Variants in SPOCK3 observed in about 807,000 individuals in gnomAD.
SPOCK3 encodes the protein SPARC (osteonectin), cwcv and kazal like domains proteoglycan 3.
Under a neutral mutation model 56.6 loss-of-function variants are expected in SPOCK3, and 30 were observed. The observed-to-expected ratio is 0.53, with a 90% confidence interval of 0.40 to 0.72. The LOEUF (loss-of-function observed/expected upper bound fraction) is 0.72, where lower values mean the gene tolerates loss of function less well. SPOCK3 is among the 30% of genes least tolerant of loss of function. The pLI is 0.00. For synonymous variants in SPOCK3, 196 were observed against 183.3 expected (o/e 1.07, Z -0.56); for missense variants, 527 against 530.0 (o/e 0.99, Z 0.06).
At chr4:166,978,977 G>A (rs1033372962) in intron 4 of SPOCK3, among the ~76,000 whole-genome samples, 7 of 152,084 alleles carry the variant, frequency 4.6e-5, no homozygotes, top group African/African-American at 7.2e-5. Context: ...ATTTTGAATC[G>A]TGAAGTATGT....
intron 2 of SPOCK3, among the ~76,000 whole-genome samples, chr4:167,078,665 T>A (rs1316196741): frequency 6.6e-6 from 1 of 151,790 alleles, no homozygotes; most frequent in Non-Finnish European, 1.5e-5. Context: ...AATCACCCTA[T>A]GATGCAGGTA....
At chr4:166,914,553 C>A (rs1292950068) in intron 4 of SPOCK3, among the ~76,000 whole-genome samples, 1 of 152,094 alleles carries the variant, frequency 6.6e-6, no homozygotes, top group African/African-American at 2.4e-5. Flanking sequence ...GGCGGATCAC[C>A]TGAGGTTGGG....
At chr4:166,735,897 G>A (rs1734169707) in intron 10 of SPOCK3, among the ~76,000 whole-genome samples, 1 of 151,554 alleles carries the variant, frequency 6.6e-6, no homozygotes, top group Non-Finnish European at 1.5e-5. Flanking sequence ...TGTTACTAAA[G>A]CAACAGAAAA....
intron 8 of SPOCK3, among the ~76,000 whole-genome samples, chr4:166,750,961 G>A (rs749437024): frequency 1.3e-5 from 2 of 152,158 alleles, no homozygotes; most frequent in Non-Finnish European, 1.5e-5. Context: ...TGCACAGGCT[G>A]TGTACTGCAC....
intron 6 of SPOCK3, among the ~76,000 whole-genome samples, chr4:166,803,966 C>T (rs1742883274): frequency 6.6e-6 from 1 of 152,074 alleles, no homozygotes; most frequent in Admixed American, 6.6e-5. Flanking sequence ...TCAAAGAAAC[C>T]ACAGAACCAT....
chr4:167,188,470 C>T (rs1303271683), intron 2 of SPOCK3, among the ~76,000 whole-genome samples: 2 of 145,014 alleles, frequency 1.4e-5, no homozygotes, highest in Admixed American at 7.1e-5. Context: ...TAATATGTTA[C>T]GATATAACAG....
intron 5 of SPOCK3, among the ~76,000 whole-genome samples, chr4:166,910,186 C>T (rs62354110): frequency 2.7e-3 from 405 of 152,026 alleles, no homozygotes; most frequent in Non-Finnish European, 4.0e-3. Flanking sequence ...ATGGATGGTT[C>T]AAAGTGGAAA....
chr4:167,116,626 T>TATATACTATATACGTATATATATACAC (rs1761386693), intron 2 of SPOCK3, among the ~76,000 whole-genome samples: 1 of 91,308 alleles, frequency 1.1e-5, no homozygotes, highest in African/African-American at 6.1e-5. Flanking sequence ...TATATATACA[T>TATATACTATATACGTATATATATACAC]ATATACTATA....
At position 167,219,893 on chromosome 4, in the gene SPOCK3, C is replaced by A. The variant is rs549083496; in HGVS notation, c.189+14092G>T. ...TGTTCAGTGTTATTGTTCATAATAT[C>A]TTAAATGAAATTCTAGACGTAGAGG... On this transcript the variant is annotated intron_variant, in intron 2 of 10. Transcript: ENST00000357545. Among the ~76,000 whole-genome samples the A allele has an allele frequency of 3.9e-5, 6 of 152,196 alleles. No individual in the cohort carries two copies. In the South Asian group the frequency reaches 1.2e-3, roughly 32 times the overall value.
At chr4:166,863,618 A>G (rs1731473700) in intron 6 of SPOCK3, among the ~76,000 whole-genome samples, 1 of 152,150 alleles carries the variant, frequency 6.6e-6, no homozygotes, top group Non-Finnish European at 1.5e-5. Flanking sequence ...GGAAAGCAAA[A>G]AAAAAGCAGG....
intron 3 of SPOCK3, among the ~76,000 whole-genome samples, chr4:167,055,892 G>T (rs578013180): frequency 2.0e-5 from 3 of 152,292 alleles, no homozygotes; most frequent in Non-Finnish European, 4.4e-5. Context: ...CAAACAAAAA[G>T]ACAGCACTAA....
chr4:167,223,306 A>C (rs541682315), intron 2 of SPOCK3, among the ~76,000 whole-genome samples: 224 of 144,132 alleles, frequency 1.6e-3, no homozygotes, highest in African/African-American at 5.3e-3. Context: ...ATTTATAAAT[A>C]TGAATAATCA....
intron 8 of SPOCK3, among the ~76,000 whole-genome samples, chr4:166,752,312 T>G (rs894211831): frequency 1.3e-5 from 2 of 152,114 alleles, no homozygotes; most frequent in Admixed American, 1.3e-4. Context: ...CATGAGCAAC[T>G]GTGCCCAGCT....
rs1312545278 is a variant in SPOCK3 at position 166,761,373 on chromosome 4, G to A, written c.710-6644C>T. Among the ~76,000 whole-genome samples the A allele has an allele frequency of 3.3e-4, 2 of 6,020 alleles. 1 individual carries two copies. Among genetic ancestry groups the A allele is most frequent in the African/African-American group, 2.2e-3 (2 of 898 alleles). The allele number at this position is 6,020 out of a possible 152,430, so 3.9% of individuals were successfully genotyped here. ...GGATCTAGAACTAGAAATACCATTT[G>A]ACCCAGACATCCCATTACTGGGTAT... On this transcript the variant is annotated intron_variant, in intron 7 of 10. Coordinates refer to ENST00000357545, the MANE Select transcript of SPOCK3 (RefSeq NM_001040159.2).
At chr4:167,187,968 G>A (rs746903058) in intron 2 of SPOCK3, among the ~76,000 whole-genome samples, 2 of 152,178 alleles carry the variant, frequency 1.3e-5, no homozygotes, top group African/African-American at 2.4e-5. Flanking sequence ...CTGAGTGGGA[G>A]ACAGAGGTTG....
At chr4:166,980,237 C>A (rs1170356686) in intron 4 of SPOCK3, among the ~76,000 whole-genome samples, 1 of 152,234 alleles carries the variant, frequency 6.6e-6, no homozygotes, top group Admixed American at 6.5e-5. Context: ...ATATGTACAT[C>A]TCTTTTATTC....
At chr4:167,040,289 G>A (rs1753132604) in intron 3 of SPOCK3, among the ~76,000 whole-genome samples, 1 of 152,150 alleles carries the variant, frequency 6.6e-6, no homozygotes, top group East Asian at 1.9e-4. Flanking sequence ...AGGATAGTGG[G>A]AAGGCACAGC....
chr4:166,968,989 G>A (rs1042746553), intron 4 of SPOCK3, among the ~76,000 whole-genome samples: 1 of 152,166 alleles, frequency 6.6e-6, no homozygotes, highest in South Asian at 2.1e-4. Flanking sequence ...GAGACATGGA[G>A]TAAAAGAAGA....
At chr4:167,118,599 A>G (rs1409441161) in intron 2 of SPOCK3, among the ~76,000 whole-genome samples, 2 of 152,184 alleles carry the variant, frequency 1.3e-5, no homozygotes, top group African/African-American at 4.8e-5. Flanking sequence ...ATTCATGTCA[A>G]TGAATCCTTC....
Sources: allele counts gnomAD v4.1 joint callset (sites outside exome capture counted in the v4.1 genomes callset), GRCh38; gene constraint gnomAD v4.1.1; transcripts MANE v1.5; gene names NCBI Gene and HGNC (gene_info 2026-07-23, HGNC 2026-07-21).